The following ZNF638 variants were observed in gnomAD, a reference collection of about 807,000 sequenced individuals.
ZNF638 encodes CTCL tumor antigen se33-1.
Under a neutral mutation model 195.6 loss-of-function variants are expected in ZNF638, and 46 were observed. The observed-to-expected ratio is 0.24, with a 90% confidence interval of 0.19 to 0.30. The LOEUF (loss-of-function observed/expected upper bound fraction) is 0.30, where lower values mean the gene tolerates loss of function less well. Among genes scored for constraint, ZNF638 ranks in the 10% least tolerant of loss-of-function variants. The pLI, the probability that ZNF638 is intolerant of heterozygous loss-of-function variation, is 1.00. For synonymous variants in ZNF638, 845 were observed against 772.0 expected, an observed-to-expected ratio of 1.09 and a Z score of -1.57; for missense variants, 2,440 against 2,325.3, an observed-to-expected ratio of 1.05 and a Z score of -1.01.
Position 71,426,483 on chromosome 2 carries a change from G to T in ZNF638, c.4614G>T (p.Leu1538Phe). Residue 1538 changes from leucine to phenylalanine, a missense_variant, in exon 24 of 28, where the codon TTG (leucine) becomes TTT (phenylalanine). Leu to Phe is a conservative substitution (Grantham distance 22, BLOSUM62 0). Around this residue, in one of 5 missense-constraint regions of ZNF638, gnomAD observed 1,883 missense variants for 1,739.1 expected, o/e 1.08. Coordinates refer to ENST00000264447, the MANE Select transcript of ZNF638 (RefSeq NM_014497.5). ...AGGAGCCATTATTTCCATTTAATTT[G>T]GATGAATTTGTTACTGTGGATGAGG... ...SKEEPLFPFN[L>F]DEFVTVDEVI... 1 of 1,574,686 alleles carries T rather than the reference G, an allele frequency of 6.4e-7. No individual in the cohort carries two copies. The highest frequency in any genetic ancestry group is 1.2e-5 in the South Asian group (1 of 84,374).
intron 23 of ZNF638, 95 bp downstream of exon 23, chr2:71,424,810 G>C (rs142721163): frequency 1.1e-6 from 1 of 926,446 alleles, no homozygotes; most frequent in Non-Finnish European, 1.6e-6. Context: ...CAATGTTAGT[G>C]ACTAAGAGTT....
intron 1 of ZNF638, among the ~76,000 whole-genome samples, chr2:71,343,830 GTTAAAA>G (rs2104132599): frequency 6.6e-6 from 1 of 152,206 alleles, no homozygotes; most frequent in East Asian, 1.9e-4. Context: ...ACCATCTCCT[GTTAAAA>G]TTAACAGCTT....
At position 71,423,385 on chromosome 2, in the gene ZNF638, G is replaced by A. The variant is rs1190477433; in HGVS notation, c.3871G>A (p.Asp1291Asn). The A allele has an allele frequency of 6.2e-7, 1 of 1,613,898 alleles. No homozygotes were observed. Among genetic ancestry groups the A allele is most frequent in the Non-Finnish European group, 8.5e-7 (1 of 1,179,978 alleles). The stretch of plus-strand genomic sequence containing the variant: ...GTTAGTACCAGGAATTCCCACTGGG[G>A]ATGAGAAGACAGTGGACAAAAAGAA... ...VTLVPGIPTG[D>N]EKTVDKKNIS... Residue 1291 changes from aspartate (D) to asparagine (N), a missense_variant, in exon 22 of 28, where the codon GAT (aspartate) becomes AAT (asparagine). By Grantham distance (23) the Asp-to-Asn change is conservative. This residue lies in a region of ZNF638 where 1,883 missense variants were observed against 1,739.1 expected (regional missense o/e 1.08). Transcript: ENST00000264447.
intron 1 of ZNF638, among the ~76,000 whole-genome samples, chr2:71,342,773 A>G (rs2104124550): frequency 6.6e-6 from 1 of 152,276 alleles, no homozygotes; most frequent in East Asian, 1.9e-4. Context: ...TAGCTGACAT[A>G]TGGCATAAGG....
intron 22 of ZNF638, 146 bp downstream of exon 22, chr2:71,424,184 T>C: frequency 1.8e-6 from 2 of 1,104,430 alleles, no homozygotes; most frequent in Non-Finnish European, 2.5e-6. Flanking sequence ...TCTTAAATGA[T>C]TCCATTGTTT....
In ZNF638 at chr2:71,363,938, G is replaced by A. The variant is rs569917966; in HGVS notation, c.1419-16G>A. 2.0e-4 allele frequency: 315 copies of A among 1,588,088 alleles called. 4 individuals are homozygous for A. The South Asian group carries it at 3.1e-3, about 16-fold the overall frequency. On this transcript the variant is annotated splice_polypyrimidine_tract_variant and intron_variant, in intron 4 of 27. Transcript: ENST00000264447. ...TAAATTGCTGATCACTTTCTTTTCC[G>A]CCCCCCTGCTTGTAGAAATGAGGGC...
At chr2:71,419,330 T>A (rs1019654891) in intron 21 of ZNF638, among the ~76,000 whole-genome samples, 1 of 152,222 alleles carries the variant, frequency 6.6e-6, no homozygotes, top group African/African-American at 2.4e-5. Context: ...TTTTTCCTCC[T>A]GTATACTGAG....
At chr2:71,345,609 T>G (rs563342558) in intron 1 of ZNF638, among the ~76,000 whole-genome samples, 212 of 152,288 alleles carry the variant, frequency 1.4e-3, no homozygotes, top group African/African-American at 4.9e-3. Context: ...CTCGAACTCC[T>G]GGGCTCAAAG....
At chr2:71,380,481 G>C (rs1209119804) in intron 9 of ZNF638, 32 bp from the exon 10 acceptor site, 9 of 1,565,318 alleles carry the variant, frequency 5.7e-6, no homozygotes, top group Non-Finnish European at 6.9e-6. Context: ...GAATTCCTAA[G>C]TTGCTGCTAA....
chr2:71,342,254 G>A (rs1558828292), intron 1 of ZNF638, among the ~76,000 whole-genome samples: 1 of 145,576 alleles, frequency 6.9e-6, no homozygotes, highest in Non-Finnish European at 1.5e-5. Context: ...CTAATATTTA[G>A]GACTTAAACT....
intron 13 of ZNF638, 76 bp downstream of exon 13, chr2:71,399,721 T>G: frequency 2.5e-6 from 3 of 1,192,518 alleles, no homozygotes; most frequent in South Asian, 1.4e-5. Flanking sequence ...GGGGTACATG[T>G]GCAGGTTTCT....
Position 71,399,663 on chromosome 2 carries a change from T to C in ZNF638, c.2587+18T>C. ...TATACCAGGTAAGCTTGAAATGTGG[T>C]CATTCAGTGCTTTGTTTTCTTTTCT... On this transcript the variant is annotated intron_variant, in intron 13 of 27. Transcript: ENST00000264447. 6.3e-7 allele frequency: 1 copy of C among 1,582,504 alleles called. No homozygotes were observed.
At chr2:71,380,085 GA>G (rs1157831066) in intron 8 of ZNF638, 136 bp from the exon 9 acceptor site, 5 of 475,422 alleles carry the variant, frequency 1.1e-5, no homozygotes, top group Admixed American at 4.3e-5. Context: ...ATCACAAATT[GA>G]AAAAAATGTC....
intron 10 of ZNF638, chr2:71,380,782 G>T: frequency 2.5e-6 from 1 of 399,718 alleles, no homozygotes; most frequent in South Asian, 6.3e-5. Context: ...GTGAGATAAT[G>T]TATGTGAAAT....
In ZNF638 at chr2:71,424,717, T is replaced by TA. The variant is rs1230190914; in HGVS notation, c.4590+8dup. The TA allele has an allele frequency of 5.6e-6, 9 of 1,611,188 alleles. No individual in the cohort carries two copies. The East Asian group carries it at 1.3e-4, about 24-fold the overall frequency. ...GGTAGAAGTTCCAAATCTAAAGAGG[T>TA]AAAAAATAGATCACAGACCCTAACC... On this transcript the variant is annotated splice_region_variant and intron_variant, in intron 23 of 27. Coordinates refer to ENST00000264447, the MANE Select transcript of ZNF638 (RefSeq NM_014497.5).
chr2:71,363,297 C>A, intron 4 of ZNF638, 106 bp downstream of exon 4: 1 of 862,496 alleles, frequency 1.2e-6, no homozygotes, highest in Non-Finnish European at 1.8e-6. Context: ...GCCATTTAAA[C>A]AACAGGCAAA....
At chr2:71,392,034 G>C (rs1013352103) in intron 10 of ZNF638, among the ~76,000 whole-genome samples, 1 of 152,212 alleles carries the variant, frequency 6.6e-6, no homozygotes, top group Non-Finnish European at 1.5e-5. Context: ...GCTATATCCA[G>C]CTAGTTAGTA....
chr2:71,354,434 T>C (rs2078990249), intron 2 of ZNF638, among the ~76,000 whole-genome samples: 2 of 151,478 alleles, frequency 1.3e-5, no homozygotes, highest in Non-Finnish European at 2.9e-5. Context: ...AATGAAGTAA[T>C]GTATAAGAAA....
intron 1 of ZNF638, among the ~76,000 whole-genome samples, chr2:71,342,248 T>C (rs72839781): frequency 0.44 from 64,569 of 145,830 alleles, 16,963 homozygotes; most frequent in Admixed American, 0.58. Context: ...GTCATACTAA[T>C]ATTTAGGACT....
Sources: allele counts gnomAD v4.1 joint callset (sites outside exome capture counted in the v4.1 genomes callset), GRCh38; gene constraint gnomAD v4.1.1; regional missense constraint gnomAD v4.1.1; transcripts MANE v1.5; gene names NCBI Gene and HGNC (gene_info 2026-07-23, HGNC 2026-07-21).